Variants in HMGCLL1 observed in about 807,000 individuals in gnomAD.
HMGCLL1 encodes 3-hydroxymethyl-3-methylglutaryl-CoA lyase, cytoplasmic.
In HMGCLL1, 36 loss-of-function variants were observed where a neutral mutation model predicts 39.1. The observed-to-expected ratio is 0.92, with a 90% CI of 0.71 to 1.22. HMGCLL1 has a LOEUF of 1.22. Ranked by LOEUF, HMGCLL1 falls within the 50% of genes most tolerant of loss-of-function variation. The pLI is 0.00. For missense variants in HMGCLL1, 451 were observed against 416.5 expected, an observed-to-expected ratio of 1.08 and a Z score of -0.72; for synonymous variants, 149 against 144.0, an observed-to-expected ratio of 1.03 and a Z score of -0.25.
At chr6:55,523,712 A>G (rs1464512990) in intron 3 of HMGCLL1, among the ~76,000 whole-genome samples, 1 of 151,946 alleles carries the variant, frequency 6.6e-6, no homozygotes, top group Non-Finnish European at 1.5e-5. Context: ...TGTAGAGTAG[A>G]GCAAGAGTGC....
intron 7 of HMGCLL1, among the ~76,000 whole-genome samples, chr6:55,475,452 C>T (rs1341071430): frequency 1.3e-5 from 2 of 151,548 alleles, no homozygotes; most frequent in Non-Finnish European, 3.0e-5. Context: ...ATCTGCAGCT[C>T]TGGATTTGCC....
At chr6:55,492,657 C>T (rs1049679094) in intron 7 of HMGCLL1, among the ~76,000 whole-genome samples, 3 of 152,206 alleles carry the variant, frequency 2.0e-5, no homozygotes, top group African/African-American at 7.2e-5. Flanking sequence ...AACATTTTCT[C>T]AGTCACTCAT....
the HMGCLL1 span, among the ~76,000 whole-genome samples, chr6:55,616,207 T>C: frequency 1.3e-5 from 2 of 152,226 alleles, no homozygotes; most frequent in East Asian, 3.9e-4. Flanking sequence ...CTATGGGATT[T>C]GCTTTGGCCA....
intron 7 of HMGCLL1, among the ~76,000 whole-genome samples, chr6:55,455,324 A>G (rs1345961205): frequency 2.0e-5 from 3 of 152,076 alleles, no homozygotes; most frequent in Admixed American, 2.0e-4. Flanking sequence ...AGCATTGGGT[A>G]CATCTTGGAG....
intron 1 of HMGCLL1, among the ~76,000 whole-genome samples, chr6:55,545,888 T>C (rs1217578911): frequency 6.6e-6 from 1 of 152,054 alleles, no homozygotes; most frequent in African/African-American, 2.4e-5. Flanking sequence ...TCAACAAGTA[T>C]GAAAGGCAAC....
In HMGCLL1 at chr6:55,579,161, T is replaced by TG. The variant is rs780738762; in HGVS notation, c.-107dup. On this transcript the variant is annotated 5_prime_UTR_variant, in exon 1 of 9. Coordinates refer to ENST00000274901, the MANE Select transcript of HMGCLL1 (RefSeq NM_001042406.2). ...CCAGCTCGGGAGCGCGCCCCTCCGG[T>TG]GCACTGGCTGTGAGGACCAGAGCTG... 360 of 827,166 alleles carry TG rather than the reference T, an allele frequency of 4.4e-4. 2 individuals carry two copies. The highest frequency in any genetic ancestry group is 3.2e-3 in the Middle Eastern group (11 of 3,450). 51.2% of individuals were successfully genotyped at this position (827,166 alleles called of 1,614,324 possible).
At chr6:55,634,733 C>T in the HMGCLL1 span, among the ~76,000 whole-genome samples, 2 of 151,982 alleles carry the variant, frequency 1.3e-5, no homozygotes, top group Admixed American at 6.6e-5. Context: ...ATATTTGGTC[C>T]GTTATTCAAA....
intron 3 of HMGCLL1, among the ~76,000 whole-genome samples, chr6:55,517,881 T>G (rs1767827524): frequency 6.6e-6 from 1 of 152,060 alleles, no homozygotes; most frequent in African/African-American, 2.4e-5. Flanking sequence ...CCATCATGAC[T>G]TATTACATTT....
chr6:55,618,269 G>T, the HMGCLL1 span, among the ~76,000 whole-genome samples: 4 of 151,734 alleles, frequency 2.6e-5, no homozygotes, highest in African/African-American at 4.8e-5. Context: ...ATTATAATTA[G>T]CTGTTAATTG....
the HMGCLL1 span, among the ~76,000 whole-genome samples, chr6:55,633,351 T>C: frequency 1.3e-5 from 2 of 151,770 alleles, no homozygotes; most frequent in Non-Finnish European, 2.9e-5. Flanking sequence ...TAGTTATTAG[T>C]TGTTCATGGA....
intron 7 of HMGCLL1, among the ~76,000 whole-genome samples, chr6:55,460,459 T>C (rs559095928): frequency 6.6e-6 from 1 of 152,076 alleles, no homozygotes; most frequent in African/African-American, 2.4e-5. Context: ...ATACTTTATC[T>C]GTTTTTATCA....
chr6:55,643,546 AT>A, the HMGCLL1 span, among the ~76,000 whole-genome samples: 2 of 151,956 alleles, frequency 1.3e-5, no homozygotes, highest in East Asian at 3.9e-4. Context: ...CAAATACTAC[AT>A]ATTATTTTTT....
chr6:55,472,372 G>C (rs1351213672), intron 7 of HMGCLL1, among the ~76,000 whole-genome samples: 4 of 151,542 alleles, frequency 2.6e-5, no homozygotes, highest in Non-Finnish European at 5.9e-5. Flanking sequence ...CTGATGACTA[G>C]TGAAGTGTAA....
chr6:55,528,889 G>A (rs9296792), intron 3 of HMGCLL1, among the ~76,000 whole-genome samples: 43,592 of 151,804 alleles, frequency 0.29, 7,783 homozygotes, highest in Non-Finnish European at 0.38. Flanking sequence ...CTCTTCTATT[G>A]TAAATGCAGG....
At chr6:55,533,657 C>A (rs931862249) in intron 3 of HMGCLL1, among the ~76,000 whole-genome samples, 1 of 151,580 alleles carries the variant, frequency 6.6e-6, no homozygotes, top group Non-Finnish European at 1.5e-5. Flanking sequence ...GAGGCCGAGG[C>A]GGGCGGATCA....
intron 1 of HMGCLL1, among the ~76,000 whole-genome samples, chr6:55,558,727 C>A (rs1376012787): frequency 6.6e-6 from 1 of 152,112 alleles, no homozygotes; most frequent in African/African-American, 2.4e-5. Flanking sequence ...ACTTTCTTTT[C>A]CAGAGGGTAA....
At chr6:55,443,347 A>T (rs1288795013) in intron 7 of HMGCLL1, among the ~76,000 whole-genome samples, 1 of 152,172 alleles carries the variant, frequency 6.6e-6, no homozygotes, top group African/African-American at 2.4e-5. Flanking sequence ...AAATGGCTTC[A>T]GCCCGAAATG....
the HMGCLL1 span, among the ~76,000 whole-genome samples, chr6:55,599,001 A>T: frequency 6.6e-6 from 1 of 152,156 alleles, no homozygotes; most frequent in East Asian, 1.9e-4. Context: ...TTCTCAGCAA[A>T]CTAACACAGG....
the HMGCLL1 span, among the ~76,000 whole-genome samples, chr6:55,647,656 G>A: frequency 2.0e-4 from 30 of 149,030 alleles, no homozygotes; most frequent in South Asian, 6.4e-4. Context: ...AAACAAACAC[G>A]CAAAAAGGAA....
Sources: allele counts gnomAD v4.1 joint callset (sites outside exome capture counted in the v4.1 genomes callset), GRCh38; gene constraint gnomAD v4.1.1; transcripts MANE v1.5; gene names NCBI Gene and HGNC (gene_info 2026-07-23, HGNC 2026-07-21).